Variants in DCC observed in about 807,000 individuals in gnomAD.
DCC encodes the protein DCC netrin 1 receptor.
A neutral mutation model predicts 172.5 loss-of-function variants in DCC; 58 were observed. That is an observed-to-expected ratio of 0.34 (90% CI 0.27 to 0.42). The LOEUF (loss-of-function observed/expected upper bound fraction) is 0.42, where lower values mean the gene tolerates loss of function less well. Among genes scored for constraint, DCC ranks in the 10% least tolerant of loss-of-function variants. The probability of loss-of-function intolerance (pLI) is 1.00; values close to 1 mark genes in which losing one functional copy is unlikely to be tolerated. For synonymous variants in DCC, 709 were observed against 644.5 expected, an observed-to-expected ratio of 1.10 and a Z score of -1.52; for missense variants, 1,740 against 1,791.0, an observed-to-expected ratio of 0.97 and a Z score of 0.51.
rs191721865 is a variant in DCC at position 52,386,662 on chromosome 18, A to G, written c.91+45784A>G. On this transcript the variant is annotated intron_variant, in intron 1 of 28. Transcript: ENST00000442544. The stretch of plus-strand genomic sequence containing the variant: ...ATCTTGATTGAGATGGTTTAGGCAG[A>G]GGGAAAGACAGCCAAGTAATACACA... 1.2e-3 allele frequency among the ~76,000 whole-genome samples: 176 copies of G among 152,224 alleles called. 1 individual carries two copies. The highest frequency in any genetic ancestry group is 4.1e-3 in the African/African-American group (170 of 41,520).
chr18:53,425,802 G>T (rs989932702), intron 21 of DCC, among the ~76,000 whole-genome samples: 1 of 152,066 alleles, frequency 6.6e-6, no homozygotes, highest in African/African-American at 2.4e-5. Flanking sequence ...ATAAAATGGG[G>T]TTAGTAATGT....
chr18:53,060,822 A>T (rs1175911916), intron 5 of DCC, among the ~76,000 whole-genome samples: 1 of 152,180 alleles, frequency 6.6e-6, no homozygotes, highest in East Asian at 1.9e-4. Flanking sequence ...GTTAGAAAAC[A>T]GCAATCACTT....
intron 1 of DCC, among the ~76,000 whole-genome samples, chr18:52,377,698 CT>C (rs34881042): frequency 0.039 from 5,250 of 135,976 alleles, 113 homozygotes; most frequent in Non-Finnish European, 0.054. Flanking sequence ...TATTAAGCCA[CT>C]TTTTTTTTTT....
intron 11 of DCC, among the ~76,000 whole-genome samples, chr18:53,211,522 A>C (rs1045223239): frequency 1.3e-5 from 2 of 152,082 alleles, no homozygotes; most frequent in Non-Finnish European, 2.9e-5. Context: ...AGGAGATCTA[A>C]AGCATCCTGG....
intron 1 of DCC, among the ~76,000 whole-genome samples, chr18:52,693,339 A>T (rs11662784): frequency 0.41 from 60,913 of 147,468 alleles, 12,873 homozygotes; most frequent in Non-Finnish European, 0.47. Context: ...ATATGCTATA[A>T]AAATATAAAA....
chr18:53,328,468 G>A (rs1251713085), intron 14 of DCC, among the ~76,000 whole-genome samples: 1 of 151,020 alleles, frequency 6.6e-6, no homozygotes, highest in Non-Finnish European at 1.5e-5. Context: ...ACAGTGTGTT[G>A]TTCTTCTGAT....
intron 15 of DCC, among the ~76,000 whole-genome samples, chr18:53,373,536 A>C (rs72929406): frequency 0.13 from 19,680 of 152,096 alleles, 1,396 homozygotes; most frequent in East Asian, 0.21. Flanking sequence ...ATTCTTTACC[A>C]GTTGTTTATT....
At chr18:52,905,119 G>C (rs2039862385) in intron 2 of DCC, among the ~76,000 whole-genome samples, 1 of 151,986 alleles carries the variant, frequency 6.6e-6, no homozygotes, top group Non-Finnish European at 1.5e-5. Flanking sequence ...TTGTATGCAT[G>C]GTGATGCATA....
chr18:52,625,345 G>T (rs549813297), intron 1 of DCC, among the ~76,000 whole-genome samples: 1 of 152,164 alleles, frequency 6.6e-6, no homozygotes, highest in South Asian at 2.1e-4. Flanking sequence ...TAATGTAACC[G>T]CCGTATTGAT....
intron 1 of DCC, among the ~76,000 whole-genome samples, chr18:52,476,937 A>G (rs888456026): frequency 6.6e-6 from 1 of 152,168 alleles, no homozygotes; most frequent in African/African-American, 2.4e-5. Flanking sequence ...TATGCAAGTC[A>G]AACACAATTT....
intron 1 of DCC, among the ~76,000 whole-genome samples, chr18:52,634,105 A>C (rs2034729239): frequency 6.6e-6 from 1 of 152,230 alleles, no homozygotes; most frequent in African/African-American, 2.4e-5. Flanking sequence ...TCATTAAGTG[A>C]CTTCCTCAAT....
intron 1 of DCC, among the ~76,000 whole-genome samples, chr18:52,393,600 C>T (rs1250500117): frequency 6.6e-6 from 1 of 152,068 alleles, no homozygotes; most frequent in Non-Finnish European, 1.5e-5. Context: ...ATGAAAATTC[C>T]TGGAACAAAA....
At chr18:53,299,470 A>T (rs2057106650) in intron 12 of DCC, among the ~76,000 whole-genome samples, 1 of 152,170 alleles carries the variant, frequency 6.6e-6, no homozygotes, top group East Asian at 1.9e-4. Flanking sequence ...TCCTGTTTTA[A>T]ATACCATTCC....
intron 28 of DCC, among the ~76,000 whole-genome samples, chr18:53,527,332 CCTCAA>C: frequency 6.6e-6 from 1 of 151,696 alleles, no homozygotes; most frequent in South Asian, 2.1e-4. Context: ...AGTTCTCCTG[CCTCAA>C]TTTCCCAAGT....
intron 14 of DCC, among the ~76,000 whole-genome samples, chr18:53,336,107 C>T (rs1210554339): frequency 6.6e-6 from 1 of 152,136 alleles, no homozygotes; most frequent in Non-Finnish European, 1.5e-5. Context: ...GCAAAATGTG[C>T]TCTTTGGTTT....
chr18:53,076,471 C>T (rs559845945), intron 7 of DCC, among the ~76,000 whole-genome samples: 2 of 152,168 alleles, frequency 1.3e-5, no homozygotes, highest in Non-Finnish European at 2.9e-5. Context: ...AATTCCACCT[C>T]TGAAGGCTTT....
At chr18:52,486,523 CA>C (rs1250647050) in intron 1 of DCC, among the ~76,000 whole-genome samples, 1 of 151,968 alleles carries the variant, frequency 6.6e-6, no homozygotes, top group Non-Finnish European at 1.5e-5. Flanking sequence ...AGCAAAGAAA[CA>C]AACAATCACT....
At chr18:53,087,761 T>G (rs2042936837) in intron 7 of DCC, among the ~76,000 whole-genome samples, 1 of 152,182 alleles carries the variant, frequency 6.6e-6, no homozygotes, top group African/African-American at 2.4e-5. Context: ...CTTTAATCCA[T>G]CTTGAATTAA....
At chr18:52,824,351 G>T (rs972560026) in intron 2 of DCC, among the ~76,000 whole-genome samples, 2 of 152,068 alleles carry the variant, frequency 1.3e-5, no homozygotes, top group Non-Finnish European at 2.9e-5. Flanking sequence ...AACATGAAGT[G>T]GTCTGTTTAT....
Sources: gnomAD v4.1 joint callset for allele counts (sites outside exome capture counted in the v4.1 genomes callset) on GRCh38, gnomAD v4.1.1 for gene constraint, MANE v1.5 for transcripts, NCBI Gene and HGNC (gene_info 2026-07-23, HGNC 2026-07-21) for gene names.